The following FOCAD variants were observed in gnomAD, a reference collection of about 807,000 sequenced individuals.
FOCAD encodes the protein focadhesin.
A neutral mutation model predicts 225.6 loss-of-function variants in FOCAD; 198 were observed. That is an observed-to-expected ratio of 0.88 (90% CI 0.78 to 0.99). The LOEUF is 0.99. FOCAD is among the 50% of genes least tolerant of loss of function. The probability of loss-of-function intolerance (pLI) is 0.00; values close to 1 mark genes in which losing one functional copy is unlikely to be tolerated. For synonymous variants in FOCAD, 897 were observed against 755.0 expected (o/e 1.19, Z -3.08); for missense variants, 2,713 against 2,123.6 (o/e 1.28, Z -5.46).
intron 1 of FOCAD, among the ~76,000 whole-genome samples, chr9:20,688,989 A>G (rs1257170108): frequency 2.0e-5 from 3 of 152,334 alleles, no homozygotes; most frequent in Admixed American, 6.5e-5. Context: ...AGTTGAAACT[A>G]TTGGTGAAAG....
intron 4 of FOCAD, among the ~76,000 whole-genome samples, chr9:20,732,192 T>A (rs1469755516): frequency 6.6e-6 from 1 of 152,166 alleles, no homozygotes. Context: ...TCATGATGCT[T>A]TTGGTTTCAA....
chr9:20,754,501 T>G (rs1173848667), intron 5 of FOCAD, among the ~76,000 whole-genome samples: 1 of 152,130 alleles, frequency 6.6e-6, no homozygotes, highest in African/African-American at 2.4e-5. Flanking sequence ...CTTGATCGAT[T>G]AACTACTTTT....
At chr9:20,820,174 A>G (rs1824165962) in intron 12 of FOCAD, 150 bp from the exon 13 acceptor site, 1 of 583,832 alleles carries the variant, frequency 1.7e-6, no homozygotes, top group Non-Finnish European at 3.0e-6. Flanking sequence ...CTCCAACGCT[A>G]TTTTTCATCC....
chr9:20,907,379 A>G (rs1833067682), intron 22 of FOCAD, 137 bp downstream of exon 22: 2 of 731,198 alleles, frequency 2.7e-6, no homozygotes, highest in Admixed American at 2.1e-5. Context: ...TACTCATAAA[A>G]GAATGTGAGG....
At chr9:20,877,923 A>AACAG (rs1436428614) in intron 19 of FOCAD, among the ~76,000 whole-genome samples, 3 of 152,098 alleles carry the variant, frequency 2.0e-5, no homozygotes, top group African/African-American at 7.2e-5. Flanking sequence ...CAAACAAACA[A>AACAG]ACAAAAACCC....
At chr9:20,692,898 G>T (rs561537365) in intron 1 of FOCAD, among the ~76,000 whole-genome samples, 7 of 152,118 alleles carry the variant, frequency 4.6e-5, no homozygotes, top group Non-Finnish European at 7.4e-5. Context: ...TTGTAAAGCA[G>T]TTTGTATACA....
intron 19 of FOCAD, 40 bp downstream of exon 19, chr9:20,874,847 G>A (rs756874528): frequency 6.8e-6 from 11 of 1,612,050 alleles, no homozygotes; most frequent in South Asian, 6.6e-5. Flanking sequence ...GCATTTTTTA[G>A]TGGTTCGATT....
intron 15 of FOCAD, among the ~76,000 whole-genome samples, chr9:20,847,068 T>A (rs939416162): frequency 1.3e-5 from 2 of 152,114 alleles, no homozygotes; most frequent in African/African-American, 4.8e-5. Context: ...ATAGCTTTAT[T>A]GAGATAAAAT....
At position 20,951,069 on chromosome 9, in the gene FOCAD, C is replaced by T. The variant is rs1480560396; in HGVS notation, c.4022C>T (p.Thr1341Ile). 2 of 1,613,450 alleles carry T rather than the reference C, an allele frequency of 1.2e-6. No individual in the cohort carries two copies. Among genetic ancestry groups the T allele is most frequent in the Non-Finnish European group, 8.5e-7 (1 of 1,179,574 alleles). The change falls in exon 34 of 44, where the codon ACT (threonine) becomes ATT (isoleucine). Residue 1341 changes from threonine (T) to isoleucine (I), a missense_variant. By Grantham distance (89) the Thr-to-Ile change is moderately conservative. Transcript: ENST00000338382. ...VWLLGHLHLSTLSSSQSRASV... is the reference protein window; with the variant it reads ...VWLLGHLHLSILSSSQSRASV... ...CTTCTTGGACATCTTCATCTATCTACTCTATCCTCAAGTCAAAGTAGAGCC... is the reference window on the plus strand; with the variant it reads ...CTTCTTGGACATCTTCATCTATCTATTCTATCCTCAAGTCAAAGTAGAGCC...
At chr9:20,801,305 T>C (rs1270932362) in intron 11 of FOCAD, among the ~76,000 whole-genome samples, 2 of 152,094 alleles carry the variant, frequency 1.3e-5, no homozygotes, top group African/African-American at 4.8e-5. Flanking sequence ...AGCAATGCCG[T>C]TGAAATTAGG....
intron 2 of FOCAD, among the ~76,000 whole-genome samples, chr9:20,678,203 G>C (rs549173380): frequency 3.9e-5 from 6 of 152,216 alleles, no homozygotes; most frequent in African/African-American, 1.4e-4. Flanking sequence ...TTTTAGCATG[G>C]GGATTACATT....
rs369836949 is a variant in FOCAD at position 20,881,987 on chromosome 9, G to C, written c.2434G>C (p.Gly812Arg). Reference sequence around the variant, plus strand: ...CTCAGACCAAGGAAAGACTGTAGCAGGAATCCCCAATTTTATATTGAAAAT... The same window carrying C: ...CTCAGACCAAGGAAAGACTGTAGCACGAATCCCCAATTTTATATTGAAAAT... Reference protein sequence around the residue: ...ARSDQGKTVAGIPNFILKMYE... With the variant: ...ARSDQGKTVARIPNFILKMYE... Residue 812 changes from glycine (G) to arginine (R), a missense_variant, in exon 20 of 44, where the codon GGA becomes CGA. Coordinates refer to ENST00000338382, the MANE Select transcript of FOCAD (RefSeq NM_001375567.1). The C allele has an allele frequency of 7.9e-5, 127 of 1,613,800 alleles. No homozygotes were observed. The highest frequency in any genetic ancestry group is 1.0e-4 in the Non-Finnish European group (123 of 1,179,906).
At chr9:20,660,731 G>T (rs968999290) in intron 2 of FOCAD, among the ~76,000 whole-genome samples, 2 of 152,206 alleles carry the variant, frequency 1.3e-5, no homozygotes, top group African/African-American at 4.8e-5. Context: ...AAAAGTAGGA[G>T]AAAGCTGGTA....
At chr9:20,866,812 TGGG>T in intron 17 of FOCAD, 114 bp from the exon 18 acceptor site, 1 of 617,056 alleles carries the variant, frequency 1.6e-6, no homozygotes, top group Non-Finnish European at 2.7e-6. Context: ...TGTAGAACTT[TGGG>T]ATTGGTGAGG....
At chr9:20,764,791 A>C in intron 6 of FOCAD, 78 bp from the exon 7 acceptor site, 5 of 1,060,582 alleles carry the variant, frequency 4.7e-6, no homozygotes, top group Middle Eastern at 2.2e-4. Flanking sequence ...GTCATGAACT[A>C]TAAGTTGATA....
intron 4 of FOCAD, among the ~76,000 whole-genome samples, chr9:20,739,129 A>G (rs542365491): frequency 3.9e-5 from 6 of 152,280 alleles, no homozygotes; most frequent in Admixed American, 3.9e-4. Flanking sequence ...ACTCAGTAAC[A>G]TCTCACATAA....
intron 18 of FOCAD, among the ~76,000 whole-genome samples, chr9:20,869,080 G>A (rs1263985936): frequency 6.6e-6 from 1 of 152,146 alleles, no homozygotes; most frequent in Admixed American, 6.5e-5. Flanking sequence ...ATAAAACAGT[G>A]ATGTGAAACT....
intron 1 of FOCAD, among the ~76,000 whole-genome samples, chr9:20,699,159 C>T (rs1384839219): frequency 1.3e-5 from 2 of 152,116 alleles, no homozygotes; most frequent in Non-Finnish European, 2.9e-5. Flanking sequence ...GTGGCTTGTT[C>T]CTGAGCTGAT....
At chr9:20,982,636 G>A (rs762385053) in intron 39 of FOCAD, among the ~76,000 whole-genome samples, 190 bp downstream of exon 39, 4 of 152,142 alleles carry the variant, frequency 2.6e-5, no homozygotes, top group Non-Finnish European at 5.9e-5. Flanking sequence ...CTTAACAAAT[G>A]TTGTATGGAT....
Sources: allele counts gnomAD v4.1 joint callset (sites outside exome capture counted in the v4.1 genomes callset), GRCh38; gene constraint gnomAD v4.1.1; transcripts MANE v1.5; gene names NCBI Gene and HGNC (gene_info 2026-07-23, HGNC 2026-07-21).